Variants in ZNF257 observed in about 807,000 individuals in gnomAD.
ZNF257 encodes zinc finger protein 257, also known as bone marrow zinc finger 4.
ZNF257 carries 12 observed loss-of-function variants against 11.9 expected under a neutral mutation model. That is an observed-to-expected ratio of 1.01 (90% CI 0.65 to 1.63). The LOEUF is 1.63. ZNF257 is among the 40% of genes most tolerant of loss of function. The probability of loss-of-function intolerance (pLI) is 0.00; values close to 1 mark genes in which losing one functional copy is unlikely to be tolerated. For synonymous variants in ZNF257, 183 were observed against 222.7 expected (o/e 0.82, Z 1.59); for missense variants, 580 against 665.5 (o/e 0.87, Z 1.41).
intron 1 of ZNF257, among the ~76,000 whole-genome samples, chr19:22,056,700 A>G (rs8110047): frequency 0.24 from 36,929 of 151,488 alleles, 6,252 homozygotes; most frequent in African/African-American, 0.48. Context: ...GGATGGTCTC[A>G]ATCTCCTGAC....
At position 22,089,516 on chromosome 19, in the gene ZNF257, G is replaced by A. The variant is rs1343935371; in HGVS notation, c.*74G>A. On this transcript the variant is annotated 3_prime_UTR_variant, in exon 4 of 4. Transcript: ENST00000594947. Reference sequence around the variant, plus strand: ...TTCCTCAATCCTTACTAAACATAAGGGAATTCATAATAGAGAAACCCTACA... The same window carrying A: ...TTCCTCAATCCTTACTAAACATAAGAGAATTCATAATAGAGAAACCCTACA... The A allele has an allele frequency of 6.7e-7, 1 of 1,491,034 alleles. No homozygotes were observed. Among genetic ancestry groups the A allele is most frequent in the Non-Finnish European group, 8.9e-7 (1 of 1,118,992 alleles). 92.4% of individuals were successfully genotyped at this position (1,491,034 alleles called of 1,614,324 possible).
intron 1 of ZNF257, among the ~76,000 whole-genome samples, chr19:22,068,981 G>A (rs575576911): frequency 3.3e-4 from 49 of 150,402 alleles, no homozygotes; most frequent in African/African-American, 1.1e-3. Context: ...CTGACGAGTG[G>A]TTAACTCTGC....
intron 3 of ZNF257, among the ~76,000 whole-genome samples, chr19:22,077,414 T>C (rs2022253579): frequency 6.6e-6 from 1 of 152,104 alleles, no homozygotes; most frequent in African/African-American, 2.4e-5. Context: ...TAAAACTCAA[T>C]ACCCATTAAA....
At position 22,073,071 on chromosome 19, in the gene ZNF257, C is replaced by T. The variant is rs1599667438; in HGVS notation, c.130+136C>T. On this transcript the variant is annotated intron_variant, in intron 2 of 3. Transcript: ENST00000594947. ...TGTTTTGCATAAATGAGTTTCATAT[C>T]CCTGTTTTCAAGAAAATCATAAGGA... 78 of 1,080,296 alleles carry T rather than the reference C, an allele frequency of 7.2e-5. No individual in the cohort carries two copies. The East Asian group carries it at 2.2e-3, about 31-fold the overall frequency. 66.9% of individuals were successfully genotyped at this position (1,080,296 alleles called of 1,614,324 possible).
chr19:22,084,147 A>G (rs1456772715), intron 3 of ZNF257, among the ~76,000 whole-genome samples: 1 of 151,982 alleles, frequency 6.6e-6, no homozygotes, highest in Non-Finnish European at 1.5e-5. Flanking sequence ...TCTCAAAAAA[A>G]AAAAAAAGAA....
At chr19:22,065,815 C>A (rs946327982) in intron 1 of ZNF257, 1 of 152,102 alleles carries the variant, frequency 6.6e-6, no homozygotes, top group Admixed American at 6.5e-5. Context: ...AGAGGGATTC[C>A]AATTCTTCAT....
chr19:22,069,844 C>T (rs915519101), intron 1 of ZNF257, among the ~76,000 whole-genome samples: 3 of 152,048 alleles, frequency 2.0e-5, no homozygotes, highest in Non-Finnish European at 2.9e-5. Flanking sequence ...ATTAAAGTTA[C>T]ATGAACTCTG....
At chr19:22,077,670 A>T (rs2022258460) in intron 3 of ZNF257, among the ~76,000 whole-genome samples, 1 of 152,066 alleles carries the variant, frequency 6.6e-6, no homozygotes. Flanking sequence ...TTTCCAAATT[A>T]AGACATTTGG....
In ZNF257 at chr19:22,089,794, A is replaced by C. The variant is rs115980182; in HGVS notation, c.*352A>C. The C allele has an allele frequency of 0.01, 3,100 of 303,330 alleles. 96 individuals carry two copies. Among genetic ancestry groups the C allele is most frequent in the African/African-American group, 0.062 (2,864 of 45,862 alleles). The allele number at this position is 303,330 out of a possible 1,614,324, so 18.8% of individuals were successfully genotyped here. A position where few individuals can be genotyped will look rare whatever the true frequency, so the allele number is the denominator to read the frequency against. ...TGGACAGAAATCCTAAAGTGTGAAG[A>C]ATGTCACAAAGCCCTTAATAAGTCC... On this transcript the variant is annotated 3_prime_UTR_variant, in exon 4 of 4. Transcript: ENST00000594947.
intron 1 of ZNF257, chr19:22,065,951 T>C (rs1441714006): frequency 1.3e-5 from 2 of 152,232 alleles, no homozygotes; most frequent in Non-Finnish European, 2.9e-5. Flanking sequence ...ATATGCACAC[T>C]TTCTTTATAA....
chr19:22,066,437 C>T (rs1472310120), intron 1 of ZNF257: 1 of 153,144 alleles, frequency 6.5e-6, no homozygotes, highest in Non-Finnish European at 1.5e-5. Flanking sequence ...TTTGGGTTCA[C>T]ATAAGATGTG....
chr19:22,072,280 A>AT, intron 1 of ZNF257, among the ~76,000 whole-genome samples: 1 of 152,230 alleles, frequency 6.6e-6, no homozygotes, highest in East Asian at 1.9e-4. Context: ...TGCATAAACC[A>AT]TCACATTTTA....
chr19:22,052,961 G>C (rs1381947300), intron 1 of ZNF257, among the ~76,000 whole-genome samples: 3 of 152,164 alleles, frequency 2.0e-5, no homozygotes. Flanking sequence ...ATCCTGACTC[G>C]GGGTGCGGGG....
rs73930395 is a variant in ZNF257 at position 22,071,134 on chromosome 19, C to T, written c.4-1675C>T. Among the ~76,000 whole-genome samples, 1,075 of 152,192 alleles carry T rather than the reference C, an allele frequency of 7.1e-3. 14 individuals carry two copies. Among genetic ancestry groups the T allele is most frequent in the African/African-American group, 0.024 (993 of 41,510 alleles). ...TTTGCACTAAAGGGTGGTCACAGGG[C>T]ATGTTCTGTTTGGGTTTGGGAGAGA... On this transcript the variant is annotated intron_variant, in intron 1 of 3. Coordinates refer to ENST00000594947, the MANE Select transcript of ZNF257 (RefSeq NM_033468.4).
At chr19:22,084,240 C>T (rs931361426) in intron 3 of ZNF257, among the ~76,000 whole-genome samples, 2 of 151,704 alleles carry the variant, frequency 1.3e-5, no homozygotes, top group Non-Finnish European at 2.9e-5. Flanking sequence ...TTGTTTTTAA[C>T]TATTGGCTTT....
In ZNF257 at chr19:22,089,610, G is replaced by A; in HGVS notation, c.*168G>A. On this transcript the variant is annotated 3_prime_UTR_variant, in exon 4 of 4. Transcript: ENST00000594947. Reference sequence around the variant, plus strand: ...TACTAAGCATAAAATAATTCATGCTGGAGAGAAACTCTTGAAATGTGATGA... The same window carrying A: ...TACTAAGCATAAAATAATTCATGCTAGAGAGAAACTCTTGAAATGTGATGA... The A allele has an allele frequency of 1.4e-6, 2 of 1,433,838 alleles. No individual in the cohort carries two copies. Among genetic ancestry groups the A allele is most frequent in the South Asian group, 1.5e-5 (1 of 65,200 alleles). The allele number at this position is 1,433,838 out of a possible 1,614,324, so 88.8% of individuals were successfully genotyped here. A position where few individuals can be genotyped will look rare whatever the true frequency, so the allele number is the denominator to read the frequency against.
At chr19:22,053,707 CTT>C (rs2021543787) in intron 1 of ZNF257, among the ~76,000 whole-genome samples, 1 of 152,140 alleles carries the variant, frequency 6.6e-6, no homozygotes. Context: ...GGGCGGATCA[CTT>C]GAGGTCGGGA....
At chr19:22,087,086 CATT>C (rs1370164540) in intron 3 of ZNF257, among the ~76,000 whole-genome samples, 3 of 151,394 alleles carry the variant, frequency 2.0e-5, no homozygotes, top group Non-Finnish European at 4.4e-5. Flanking sequence ...TCCTTTTACT[CATT>C]ATTATTCAAC....
rs544797538 is a variant in ZNF257 at position 22,075,024 on chromosome 19, A to G, written c.226+1460A>G. 2.0e-5 allele frequency among the ~76,000 whole-genome samples: 3 copies of G among 152,290 alleles called. No homozygotes were observed. In the South Asian group the frequency reaches 6.2e-4, roughly 32 times the overall value. The stretch of plus-strand genomic sequence containing the variant: ...CAAACACCTCTTCAAGTTTCTATAA[A>G]CTAGTTTCAGGAGGTAAAGATCTTC... On this transcript the variant is annotated intron_variant, in intron 3 of 3. Transcript: ENST00000594947.
Sources: gnomAD v4.1 joint callset for allele counts (sites outside exome capture counted in the v4.1 genomes callset) on GRCh38, gnomAD v4.1.1 for gene constraint, MANE v1.5 for transcripts, NCBI Gene and HGNC (gene_info 2026-07-23, HGNC 2026-07-21) for gene names.